SLC7A11: variants seen among roughly 807,000 people sequenced by gnomAD.
SLC7A11 encodes the protein solute carrier family 7 member 11, also known as cystine/glutamate transporter.
In SLC7A11, 35 loss-of-function variants were observed where a neutral mutation model predicts 54.5. That is an observed-to-expected ratio of 0.64 (90% CI 0.49 to 0.85). SLC7A11 has a LOEUF of 0.85. Among genes scored for constraint, SLC7A11 ranks in the 40% least tolerant of loss-of-function variants. The pLI is 0.00. For missense variants in SLC7A11, 583 were observed against 618.1 expected, an observed-to-expected ratio of 0.94 and a Z score of 0.60; for synonymous variants, 230 against 225.2, an observed-to-expected ratio of 1.02 and a Z score of -0.19.
intron 4 of SLC7A11, among the ~76,000 whole-genome samples, chr4:138,221,949 C>T (rs1437436780): frequency 6.6e-6 from 1 of 152,158 alleles, no homozygotes; most frequent in African/African-American, 2.4e-5. Flanking sequence ...AGAGTTAGCT[C>T]AGAAAAATAA....
At chr4:138,197,835 A>T (rs780768957) in intron 6 of SLC7A11, among the ~76,000 whole-genome samples, 125 of 151,858 alleles carry the variant, frequency 8.2e-4, no homozygotes, top group Non-Finnish European at 1.5e-3. Flanking sequence ...ATATATCTAT[A>T]AAAAGGCAAG....
At chr4:138,231,661 GTTC>G (rs1483737289) in intron 3 of SLC7A11, among the ~76,000 whole-genome samples, 5 of 152,058 alleles carry the variant, frequency 3.3e-5, no homozygotes, top group Non-Finnish European at 7.4e-5. Flanking sequence ...TTTTGTACAT[GTTC>G]TTCTTTTTGT....
At chr4:138,174,381 T>G (rs1185483876) in intron 11 of SLC7A11, 1 of 152,254 alleles carries the variant, frequency 6.6e-6, no homozygotes, top group Non-Finnish European at 1.5e-5. Context: ...TTTGCACACT[T>G]TCTGCTATCT....
intron 6 of SLC7A11, among the ~76,000 whole-genome samples, 172 bp downstream of exon 6, chr4:138,214,413 A>G (rs1460019523): frequency 6.6e-6 from 1 of 151,034 alleles, no homozygotes; most frequent in Non-Finnish European, 1.5e-5. Flanking sequence ...AATTATGTAT[A>G]TAATTTATGA....
chr4:138,241,531 T>C (rs780911790), intron 1 of SLC7A11, among the ~76,000 whole-genome samples: 2 of 152,024 alleles, frequency 1.3e-5, no homozygotes, highest in Non-Finnish European at 2.9e-5. Flanking sequence ...TTTGCTCTCA[T>C]CACCACAGAG....
rs146522363 is a variant in SLC7A11, at chr4:138,188,684, C to T, written c.792-3440G>A. On this transcript the variant is annotated intron_variant, in intron 6 of 11. Coordinates refer to ENST00000280612, the MANE Select transcript of SLC7A11 (RefSeq NM_014331.4). ...CAGCGCAGATAGCATTACTAGTAAC[C>T]CAAGATTAAGGCAAATGGCACTTGA... 4.3e-3 allele frequency among the ~76,000 whole-genome samples: 658 copies of T among 152,240 alleles called. 2 individuals carry two copies. Among genetic ancestry groups the T allele is most frequent in the African/African-American group, 0.014 (577 of 41,550 alleles).
chr4:138,164,574 A>G lies in SLC7A11; in HGVS notation c.*7382T>C, dbSNP rs1326810902. 1.3e-5 allele frequency: 2 copies of G among 152,164 alleles called. No individual in the cohort carries two copies. Among genetic ancestry groups the G allele is most frequent in the African/African-American group, 2.4e-5 (1 of 41,452 alleles). 9.4% of individuals were successfully genotyped at this position (152,164 alleles called of 1,614,324 possible). ...TTCATAGATAAATATCTTAGTTCTA[A>G]TATGATTGGAATGTGGATGCAGAAA... is the stretch of plus-strand genomic sequence containing the variant. On this transcript the variant is annotated 3_prime_UTR_variant, in exon 12 of 12. Transcript: ENST00000280612.
At chr4:138,202,517 A>G (rs560431167) in intron 6 of SLC7A11, among the ~76,000 whole-genome samples, 1 of 152,094 alleles carries the variant, frequency 6.6e-6, no homozygotes, top group Admixed American at 6.6e-5. Flanking sequence ...TGGCCATAGC[A>G]TCCCTTTCTC....
chr4:138,241,655 G>A (rs1399182527), intron 1 of SLC7A11, 138 bp downstream of exon 1: 2 of 653,810 alleles, frequency 3.1e-6, no homozygotes, highest in Non-Finnish European at 5.4e-6. Context: ...GGTAGTTCAC[G>A]TACCCGAACA....
intron 6 of SLC7A11, among the ~76,000 whole-genome samples, chr4:138,193,887 C>G (rs1388386843): frequency 6.6e-6 from 1 of 151,996 alleles, no homozygotes; most frequent in Non-Finnish European, 1.5e-5. Context: ...ATATTTGACC[C>G]TAAAATTGAA....
At chr4:138,238,598 T>G (rs1240830890) in intron 1 of SLC7A11, among the ~76,000 whole-genome samples, 1 of 149,214 alleles carries the variant, frequency 6.7e-6, no homozygotes, top group East Asian at 1.9e-4. Context: ...AGGAATAATT[T>G]TTTTTTTTTT....
rs774801810 is a variant in SLC7A11 at position 138,180,749 on chromosome 4, GT to G, written c.1157del (p.Asp386AlafsTer4). 6.2e-7 allele frequency: 1 copy of G among 1,612,922 alleles called. No homozygotes were observed. Among genetic ancestry groups the G allele is most frequent in the Non-Finnish European group, 8.5e-7 (1 of 1,179,378 alleles). On this transcript the variant is annotated frameshift_variant, in exon 10 of 12. Coordinates refer to ENST00000280612, the MANE Select transcript of SLC7A11 (RefSeq NM_014331.4). LOFTEE classifies it high-confidence loss of function. ...CAAAACTGAGGAAATTCAAAAGACT[GT>G]CGAGGTCTCCAGAGAAGAGCATTAT... ...TMIMLFSGDLDSLLNFLSFAR... is the reference protein window; with the variant it reads ...TMIMLFSGDLXSLLNFLSFAR...
intron 6 of SLC7A11, among the ~76,000 whole-genome samples, chr4:138,210,265 A>C (rs780359582): frequency 6.6e-6 from 1 of 152,058 alleles, no homozygotes; most frequent in South Asian, 2.1e-4. Flanking sequence ...AAATATTTCA[A>C]TGTAAAACCT....
chr4:138,203,596 T>G (rs1203917632), intron 6 of SLC7A11, among the ~76,000 whole-genome samples: 1 of 152,090 alleles, frequency 6.6e-6, no homozygotes, highest in East Asian at 1.9e-4. Flanking sequence ...GCCACATGAT[T>G]TATCATATTG....
intron 11 of SLC7A11, among the ~76,000 whole-genome samples, chr4:138,174,933 A>G (rs1736532743): frequency 6.6e-6 from 1 of 152,144 alleles, no homozygotes; most frequent in African/African-American, 2.4e-5. Context: ...TATGGGAACT[A>G]CAGCAAAAAT....
chr4:138,173,166 G>A (rs1307096752), intron 11 of SLC7A11, among the ~76,000 whole-genome samples: 1 of 152,008 alleles, frequency 6.6e-6, no homozygotes, highest in African/African-American at 2.4e-5. Context: ...TCTTTGTAAT[G>A]AATTCCTACA....
rs922390646 is a variant in SLC7A11, at chr4:138,236,620, G to A, written c.278-169C>T. Among the ~76,000 whole-genome samples the A allele has an allele frequency of 2.6e-5, 4 of 152,070 alleles. No individual in the cohort carries two copies. The South Asian group carries it at 8.3e-4, about 31-fold the overall frequency. ...AACCATCATCTAATTGCTAAGACCC[G>A]CCAAGTTCCTTTTCTAACATCCTCA... On this transcript the variant is annotated intron_variant, in intron 1 of 11. Transcript: ENST00000280612.
intron 2 of SLC7A11, among the ~76,000 whole-genome samples, chr4:138,235,378 A>G (rs1172585562): frequency 6.6e-6 from 1 of 151,142 alleles, no homozygotes; most frequent in East Asian, 2.0e-4. Flanking sequence ...TTCATGAAGC[A>G]TATACTACTT....
At chr4:138,227,420 A>G (rs1737970033) in intron 3 of SLC7A11, among the ~76,000 whole-genome samples, 1 of 152,202 alleles carries the variant, frequency 6.6e-6, no homozygotes, top group Non-Finnish European at 1.5e-5. Context: ...GTTTGTATCT[A>G]GGATCTCACT....
Sources: allele counts gnomAD v4.1 joint callset (sites outside exome capture counted in the v4.1 genomes callset), GRCh38; gene constraint gnomAD v4.1.1; transcripts MANE v1.5; gene names NCBI Gene and HGNC (gene_info 2026-07-23, HGNC 2026-07-21).